The following OR4C6 variants were observed in gnomAD, a reference collection of about 807,000 sequenced individuals.
OR4C6 encodes the protein olfactory receptor 4C6.
In OR4C6, 20 loss-of-function variants were observed where a neutral mutation model predicts 13.9. That is an observed-to-expected ratio of 1.43 (90% CI 1.01 to 2.08). The LOEUF (loss-of-function observed/expected upper bound fraction) is 2.08. Among genes scored for constraint, OR4C6 ranks in the 30% most tolerant of loss-of-function variants. The pLI, the probability that OR4C6 is intolerant of heterozygous loss-of-function variation, is 0.00. For synonymous variants in OR4C6, 193 were observed against 141.5 expected (o/e 1.36, Z -2.58); for missense variants, 555 against 381.2 (o/e 1.46, Z -3.80).
chr11:55,663,862 G>T (rs1312557342), intron 1 of OR4C6, among the ~76,000 whole-genome samples: 5 of 137,528 alleles, frequency 3.6e-5, no homozygotes, highest in African/African-American at 1.3e-4. Flanking sequence ...TTAACAGAGG[G>T]GCATAATCCA....
intron 1 of OR4C6, 89 bp from the exon 2 acceptor site, chr11:55,665,036 G>A (rs1858718384): frequency 1.6e-6 from 1 of 625,650 alleles, no homozygotes; most frequent in East Asian, 2.7e-5. Context: ...AGAATACATG[G>A]GTAAAAACAA....
In OR4C6 at chr11:55,665,582, G is replaced by A; in HGVS notation, c.416G>A (p.Cys139Tyr). Residue 139 changes from cysteine to tyrosine, a missense_variant, in exon 2 of 2, where the codon TGC becomes TAC. Transcript: ENST00000314259. ...ACGATCATCATGAGTCCACGGGTGT[G>A]CTGCCTAATGGTAGGAGGGGCTTGG... ...HYTIIMSPRV[C>Y]CLMVGGAWVG... 1.2e-6 allele frequency: 2 copies of A among 1,613,924 alleles called. No homozygotes were observed. Among genetic ancestry groups the A allele is most frequent in the Non-Finnish European group, 1.7e-6 (2 of 1,180,006 alleles).
In OR4C6 at chr11:55,665,712, G is replaced by T; in HGVS notation, c.546G>T (p.Leu182Phe). ...IDHFICDLFQLLTLACTDTHI... is the reference protein window; with the variant it reads ...IDHFICDLFQFLTLACTDTHI... ...ACTTTATATGTGATTTGTTTCAGTTGTTGACACTTGCCTGCACGGACACCC... is the reference window on the plus strand; with the variant it reads ...ACTTTATATGTGATTTGTTTCAGTTTTTGACACTTGCCTGCACGGACACCC... Residue 182 changes from leucine to phenylalanine, a missense_variant, in exon 2 of 2, where the codon TTG becomes TTT. By Grantham distance (22) the Leu-to-Phe change is conservative. Transcript: ENST00000314259. The T allele has an allele frequency of 6.2e-7, 1 of 1,613,914 alleles. No individual in the cohort carries two copies.
rs767707396 is a variant in OR4C6 at position 55,665,580 on chromosome 11, G to A, written c.414G>A (p.Val138=). The change falls in exon 2 of 2, where the codon GTG becomes GTA. Residue 138 remains valine (V), a synonymous_variant. Coordinates refer to ENST00000314259, the MANE Select transcript of OR4C6 (RefSeq NM_001004704.2). The part of the protein sequence containing the change: ...LHYTIIMSPR[V]CCLMVGGAWV... ...ACACGATCATCATGAGTCCACGGGT[G>A]TGCTGCCTAATGGTAGGAGGGGCTT... The A allele has an allele frequency of 6.2e-7, 1 of 1,613,970 alleles. No homozygotes were observed. Among genetic ancestry groups the A allele is most frequent in the Non-Finnish European group, 8.5e-7 (1 of 1,180,008 alleles).
rs1219570768 is a variant in OR4C6, at chr11:55,665,511, G to A, written c.345G>A (p.Val115=). 1.2e-6 allele frequency: 2 copies of A among 1,613,826 alleles called. No homozygotes were observed. Among genetic ancestry groups the A allele is most frequent in the Non-Finnish European group, 8.5e-7 (1 of 1,179,998 alleles). ...GTGTGGGGATCATCCTCCTCACTGT[G>A]ATGGCCTATGACCGCTACGTGGCCA... ...FGGVGIILLT[V]MAYDRYVAIC... The change falls in exon 2 of 2, where the codon GTG becomes GTA. Residue 115 remains valine, a synonymous_variant. Coordinates refer to ENST00000314259, the MANE Select transcript of OR4C6 (RefSeq NM_001004704.2).
In OR4C6 at chr11:55,665,416, C is replaced by T. The variant is rs756494196; in HGVS notation, c.250C>T (p.Leu84Phe). 3.1e-6 allele frequency: 5 copies of T among 1,613,750 alleles called. No homozygotes were observed. Among genetic ancestry groups the T allele is most frequent in the Admixed American group, 1.7e-5 (1 of 59,958 alleles). Residue 84 changes from leucine (L) to phenylalanine (F), a missense_variant, in exon 2 of 2, where the codon CTC (leucine) becomes TTC (phenylalanine). Coordinates refer to ENST00000314259, the MANE Select transcript of OR4C6 (RefSeq NM_001004704.2). ...TGCCCCCAAGGTGATTGTAGACACC[C>T]TCTCCAAGAGCACTACCATCTCTCT... is the stretch of plus-strand genomic sequence containing the variant. ...VVAPKVIVDT[L>F]SKSTTISLKG...
At chr11:55,663,085 G>T (rs542663201) in intron 1 of OR4C6, among the ~76,000 whole-genome samples, 2 of 138,616 alleles carry the variant, frequency 1.4e-5, no homozygotes, top group African/African-American at 5.0e-5. Context: ...GGACTGGGGA[G>T]GTTGAGATTA....
chr11:55,663,734 G>A (rs1299427135), intron 1 of OR4C6, among the ~76,000 whole-genome samples: 3 of 135,440 alleles, frequency 2.2e-5, no homozygotes, highest in African/African-American at 7.6e-5. Context: ...GGGCTAGGGA[G>A]GAGAGGATGA....
chr11:55,665,849 C>A lies in OR4C6; in HGVS notation c.683C>A (p.Ser228Tyr). Residue 228 changes from serine to tyrosine, a missense_variant, in exon 2 of 2, where the codon TCT becomes TAT. Physicochemically the swap from Ser to Tyr is moderately radical, Grantham distance 144 (BLOSUM62 -2). Coordinates refer to ENST00000314259, the MANE Select transcript of OR4C6 (RefSeq NM_001004704.2). ...CTATGCTCCCTGAAGTCTTACAGCT[C>A]TAAAGGGCGGCACAAAGCCCTCTCT... ...VILCSLKSYS[S>Y]KGRHKALSTC... The A allele has an allele frequency of 6.2e-7, 1 of 1,613,886 alleles. No homozygotes were observed. Among genetic ancestry groups the A allele is most frequent in the East Asian group, 2.2e-5 (1 of 44,860 alleles).
chr11:55,665,299 G>A lies in OR4C6; in HGVS notation c.133G>A (p.Val45Ile). The A allele has an allele frequency of 6.2e-7, 1 of 1,611,654 alleles. No individual in the cohort carries two copies. Among genetic ancestry groups the A allele is most frequent in the Non-Finnish European group, 8.5e-7 (1 of 1,178,012 alleles). The change falls in exon 2 of 2, where the codon GTA (valine) becomes ATA (isoleucine). Residue 45 changes from valine (V) to isoleucine (I), a missense_variant. Coordinates refer to ENST00000314259, the MANE Select transcript of OR4C6 (RefSeq NM_001004704.2). ...ATVLENLLIVVTIITSQSLRS... is the reference protein window; with the variant it reads ...ATVLENLLIVITIITSQSLRS... ...AGTGCTGGAAAATCTACTTATTGTG[G>A]TAACTATTATCACAAGTCAGAGTCT... is the stretch of plus-strand genomic sequence containing the variant.
chr11:55,665,981 C>T lies in OR4C6; in HGVS notation c.815C>T (p.Ser272Leu). 1 of 1,613,466 alleles carries T rather than the reference C, an allele frequency of 6.2e-7. No individual in the cohort carries two copies. The highest frequency in any genetic ancestry group is 8.5e-7 in the Non-Finnish European group (1 of 1,179,560). The change falls in exon 2 of 2, where the codon TCA (serine) becomes TTA (leucine). Residue 272 changes from serine to leucine, a missense_variant. Transcript: ENST00000314259. ...THPIDKAMAV[S>L]DSIITPMLNP... Reference sequence around the variant, plus strand: ...CCCATAGACAAGGCAATGGCTGTGTCAGACTCAATCATCACACCCATGTTA... The same window carrying T: ...CCCATAGACAAGGCAATGGCTGTGTTAGACTCAATCATCACACCCATGTTA...
At position 55,665,171 on chromosome 11, in the gene OR4C6, A is replaced by G. The variant is rs1367292370; in HGVS notation, c.5A>G (p.Glu2Gly). 3 of 1,602,316 alleles carry G rather than the reference A, an allele frequency of 1.9e-6. No individual in the cohort carries two copies. Among genetic ancestry groups the G allele is most frequent in the Non-Finnish European group, 2.6e-6 (3 of 1,172,590 alleles). Residue 2 changes from glutamate (E) to glycine (G), a missense_variant, in exon 2 of 2, where the codon GAA (glutamate) becomes GGA (glycine). Transcript: ENST00000314259. M[E>G]NQNNVTEFIL... ...ACTCATATCAACACCTGAGAAATGG[A>G]AAATCAAAACAATGTGACTGAATTC...
chr11:55,663,427 A>G (rs2134329144), intron 1 of OR4C6, among the ~76,000 whole-genome samples: 1 of 138,052 alleles, frequency 7.2e-6, no homozygotes, highest in South Asian at 2.4e-4. Flanking sequence ...ATTTTTCTGA[A>G]CATGAAATGA....
chr11:55,666,057 G>A lies in OR4C6; in HGVS notation c.891G>A (p.Lys297=). Residue 297 remains lysine, a synonymous_variant, in exon 2 of 2, where the codon AAG becomes AAA. Coordinates refer to ENST00000314259, the MANE Select transcript of OR4C6 (RefSeq NM_001004704.2). ...ATGCAGAGGTGAAAAGTGCCATGAAGAAACTCTGGATGAAATGGGAGGCTT... is the reference window on the plus strand; with the variant it reads ...ATGCAGAGGTGAAAAGTGCCATGAAAAAACTCTGGATGAAATGGGAGGCTT... ...LRNAEVKSAM[K]KLWMKWEALA... 1 of 1,613,428 alleles carries A rather than the reference G, an allele frequency of 6.2e-7. No homozygotes were observed. Among genetic ancestry groups the A allele is most frequent in the Non-Finnish European group, 8.5e-7 (1 of 1,179,780 alleles).
rs143932733 is a variant in OR4C6, at chr11:55,665,790, C to T, written c.624C>T (p.Ile208=). The T allele has an allele frequency of 1.2e-6, 2 of 1,613,966 alleles. No individual in the cohort carries two copies. The highest frequency in any genetic ancestry group is 1.1e-5 in the South Asian group (1 of 91,086). ...ACAGTGGGATGATGTGTGTGGCCAT[C>T]TTTCTTATCTTAATTGCGTCCTACA... ...TLNSGMMCVA[I]FLILIASYTV... Residue 208 remains isoleucine, a synonymous_variant, in exon 2 of 2, where the codon ATC becomes ATT. Transcript: ENST00000314259.
chr11:55,665,176 C>G lies in OR4C6; in HGVS notation c.10C>G (p.Gln4Glu). The change falls in exon 2 of 2, where the codon CAA becomes GAA. Residue 4 changes from glutamine to glutamate, a missense_variant. Gln to Glu is a conservative substitution (Grantham distance 29, BLOSUM62 2). Transcript: ENST00000314259. MENQNNVTEFILLG... is the reference protein window; with the variant it reads MENENNVTEFILLG... ...TATCAACACCTGAGAAATGGAAAATCAAAACAATGTGACTGAATTCATTCT... is the reference window on the plus strand; with the variant it reads ...TATCAACACCTGAGAAATGGAAAATGAAAACAATGTGACTGAATTCATTCT... 6.2e-7 allele frequency: 1 copy of G among 1,605,066 alleles called. No individual in the cohort carries two copies. Among genetic ancestry groups the G allele is most frequent in the African/African-American group, 1.3e-5 (1 of 74,426 alleles).
intron 1 of OR4C6, among the ~76,000 whole-genome samples, chr11:55,663,082 G>A (rs1366638675): frequency 7.2e-6 from 1 of 138,626 alleles, no homozygotes. Context: ...TGAGGACTGG[G>A]GAGGTTGAGA....
intron 1 of OR4C6, among the ~76,000 whole-genome samples, chr11:55,663,724 G>A (rs1858697911): frequency 7.3e-6 from 1 of 137,174 alleles, no homozygotes; most frequent in Admixed American, 8.0e-5. Flanking sequence ...CTCAGTCCTG[G>A]GGCTAGGGAG....
Position 55,665,211 on chromosome 11 carries a change from C to T in OR4C6, c.45C>T (p.Leu15=), listed in dbSNP as rs1327232435. The T allele has an allele frequency of 6.2e-7, 1 of 1,613,210 alleles. No homozygotes were observed. Among genetic ancestry groups the T allele is most frequent in the African/African-American group, 1.3e-5 (1 of 74,830 alleles). ...TGACTGAATTCATTCTTCTGGGTCT[C>T]ACAGAGAACCTGGAGCTGTGGAAAA... is the stretch of plus-strand genomic sequence containing the variant. The part of the protein sequence containing the change: ...NNVTEFILLG[L]TENLELWKIF... Residue 15 remains leucine, a synonymous_variant, in exon 2 of 2, where the codon CTC becomes CTT. Transcript: ENST00000314259.
Sources: gnomAD v4.1 joint callset for allele counts (sites outside exome capture counted in the v4.1 genomes callset) on GRCh38, gnomAD v4.1.1 for gene constraint, MANE v1.5 for transcripts, NCBI Gene and HGNC (gene_info 2026-07-23, HGNC 2026-07-21) for gene names.